Variants in TRPM2 observed in about 807,000 individuals in gnomAD.
TRPM2 encodes estrogen-responsive element-associated gene 1 protein.
In TRPM2, 161 loss-of-function variants were observed where a neutral mutation model predicts 174.0. That is an observed-to-expected ratio of 0.93 (90% CI 0.81 to 1.05). TRPM2 has a LOEUF of 1.05. Ranked by LOEUF, TRPM2 falls within the 50% of genes least tolerant of loss-of-function variation. The pLI, the probability that TRPM2 is intolerant of heterozygous loss-of-function variation, is 0.00. For synonymous variants in TRPM2, 954 were observed against 861.3 expected (o/e 1.11, Z -1.88); for missense variants, 2,057 against 2,038.0 (o/e 1.01, Z -0.18).
intron 8 of TRPM2, among the ~76,000 whole-genome samples, chr21:44,380,824 T>G (rs1237157949): frequency 6.6e-6 from 1 of 152,212 alleles, no homozygotes; most frequent in African/African-American, 2.4e-5. Context: ...CTTTCTCATC[T>G]GTTAAGTAGG....
Position 44,375,954 on chromosome 21 carries a change from A to G in TRPM2, c.893A>G (p.Glu298Gly). Reference protein sequence around the residue: ...DDGTHGQYGVEIPLRTRLEKF... With the variant: ...DDGTHGQYGVGIPLRTRLEKF... ...GGGACCCACGGCCAGTACGGGGTGG[A>G]GATTCCTCTGAGGACCAGGCTGGAG... is the stretch of plus-strand genomic sequence containing the variant. Residue 298 changes from glutamate to glycine, a missense_variant, in exon 6 of 32, where the codon GAG (glutamate) becomes GGG (glycine). Glu to Gly is a moderately conservative substitution (Grantham distance 98). Coordinates refer to ENST00000397928, the MANE Select transcript of TRPM2 (RefSeq NM_003307.4). 1 of 1,614,102 alleles carries G rather than the reference A, an allele frequency of 6.2e-7. No individual in the cohort carries two copies. The highest frequency in any genetic ancestry group is 8.5e-7 in the Non-Finnish European group (1 of 1,180,010).
rs771221376 is a variant in TRPM2 at position 44,406,617 on chromosome 21, C to T, written c.2814C>T (p.Leu938=). ...KRMMKDVFFF[L]FLLAVWVVSF... is the part of the protein sequence containing the mutation. ...AGATGAAGGACGTCTTCTTCTTCCTCTTCCTGCTGGCTGTGTGGGTGGTGT... is the reference window on the plus strand; with the variant it reads ...AGATGAAGGACGTCTTCTTCTTCCTTTTCCTGCTGGCTGTGTGGGTGGTGT... Residue 938 remains leucine (L), a synonymous_variant, in exon 19 of 32, where the codon CTC becomes CTT. Transcript: ENST00000397928. 6.2e-7 allele frequency: 1 copy of T among 1,610,746 alleles called. No individual in the cohort carries two copies. The highest frequency in any genetic ancestry group is 8.5e-7 in the Non-Finnish European group (1 of 1,179,446).
intron 7 of TRPM2, 122 bp downstream of exon 7, chr21:44,377,895 C>A: frequency 8.7e-7 from 1 of 1,153,282 alleles, no homozygotes; most frequent in South Asian, 1.5e-5. Flanking sequence ...GCTTTCCCAC[C>A]AGAAGAAGAG....
intron 9 of TRPM2, among the ~76,000 whole-genome samples, chr21:44,388,564 C>T (rs1005330407): frequency 3.3e-5 from 5 of 149,400 alleles, no homozygotes; most frequent in Non-Finnish European, 5.9e-5. Context: ...TGAGCTGGCT[C>T]ATGCCTATAA....
At chr21:44,419,074 C>G (rs1056858411) in intron 22 of TRPM2, among the ~76,000 whole-genome samples, 1 of 152,242 alleles carries the variant, frequency 6.6e-6, no homozygotes, top group Non-Finnish European at 1.5e-5. Context: ...CTTCTCTCCA[C>G]TGCCAGGCCT....
intron 17 of TRPM2, 124 bp from the exon 18 acceptor site, chr21:44,405,781 C>T (rs2049848905): frequency 1.7e-5 from 20 of 1,175,316 alleles, no homozygotes; most frequent in Non-Finnish European, 2.1e-5. Context: ...GATGCAGGGC[C>T]CACCAGAGCC....
Position 44,397,887 on chromosome 21 carries a change from C to A in TRPM2, c.2062+11C>A. The A allele has an allele frequency of 1.3e-6, 2 of 1,586,914 alleles. No individual in the cohort carries two copies. Among genetic ancestry groups the A allele is most frequent in the African/African-American group, 1.3e-5 (1 of 74,224 alleles). On this transcript the variant is annotated intron_variant, in intron 13 of 31. Coordinates refer to ENST00000397928, the MANE Select transcript of TRPM2 (RefSeq NM_003307.4). The stretch of plus-strand genomic sequence containing the variant: ...AGCACAGAGCCATCGGTGAGCTCTG[C>A]CGGGCACGGGCTGCAGGCCATGGCT...
chr21:44,378,908 C>T (rs1306392540), intron 7 of TRPM2, 89 bp from the exon 8 acceptor site: 1 of 1,425,460 alleles, frequency 7.0e-7, no homozygotes, highest in Non-Finnish European at 9.6e-7. Context: ...CAGCTCTGCC[C>T]TTAGCTGGCC....
chr21:44,391,468 G>C lies in TRPM2; in HGVS notation c.1637G>C (p.Arg546Pro). 7 of 1,611,560 alleles carry C rather than the reference G, an allele frequency of 4.3e-6. No homozygotes were observed. The highest frequency in any genetic ancestry group is 4.5e-5 in the East Asian group (2 of 44,860). ...LQKVLVEDPE[R>P]PACAPAAPRL... Reference sequence around the variant, plus strand: ...AAGGTGCTGGTGGAGGATCCCGAGCGCCCGGCTTGCGCGCCCGCGGCGCCC... The same window carrying C: ...AAGGTGCTGGTGGAGGATCCCGAGCCCCCGGCTTGCGCGCCCGCGGCGCCC... The change falls in exon 11 of 32, where the codon CGC becomes CCC. Residue 546 changes from arginine to proline, a missense_variant. Arg to Pro is a moderately radical substitution (Grantham distance 103, BLOSUM62 -2). Transcript: ENST00000397928. The surrounding 1 kb of genome is among the most constrained non-coding windows in gnomAD (Gnocchi z 5.0).
intron 5 of TRPM2, 135 bp from the exon 6 acceptor site, chr21:44,375,698 C>T: frequency 1.9e-6 from 2 of 1,034,752 alleles, no homozygotes; most frequent in South Asian, 1.7e-5. Flanking sequence ...TGCAAAGTCG[C>T]TTTCTCCAAT....
At chr21:44,350,689 G>A (rs1205222280), upstream of TRPM2, among the ~76,000 whole-genome samples, 2 of 147,294 alleles carry the variant, frequency 1.4e-5, no homozygotes, top group African/African-American at 5.0e-5. Flanking sequence ...AGGGGCGGGC[G>A]GGGTTCGGGG....
rs1342603316 is a variant in TRPM2 at position 44,375,526 on chromosome 21, G to A, written c.772-307G>A. Among the ~76,000 whole-genome samples, 9 of 152,230 alleles carry A rather than the reference G, an allele frequency of 5.9e-5. No homozygotes were observed. The South Asian group carries it at 1.2e-3, about 21-fold the overall frequency. On this transcript the variant is annotated intron_variant, in intron 5 of 31. Transcript: ENST00000397928. ...CGCCTCCTCCACTCCTGGGGGGTCC[G>A]GCTTTCTCCACTTGTGGCTATGTCA...
chr21:44,381,588 GGATA>G (rs1377959075), intron 8 of TRPM2, among the ~76,000 whole-genome samples: 56 of 152,002 alleles, frequency 3.7e-4, no homozygotes, highest in African/African-American at 1.2e-3. Flanking sequence ...ATGGATGGAT[GGATA>G]GATAGATAGA....
At chr21:44,387,397 A>G (rs1278729053) in intron 9 of TRPM2, among the ~76,000 whole-genome samples, 3 of 152,228 alleles carry the variant, frequency 2.0e-5, no homozygotes, top group African/African-American at 4.8e-5. Context: ...ATATACAAAA[A>G]CTAACTCAAA....
chr21:44,437,278 C>T (rs2051311234), intron 29 of TRPM2, 111 bp downstream of exon 29: 1 of 1,033,272 alleles, frequency 9.7e-7, no homozygotes, highest in Non-Finnish European at 1.4e-6. Context: ...CCCCCTGCAG[C>T]CCCTGGGCAG....
At chr21:44,433,694 G>A (rs577043103) in intron 27 of TRPM2, among the ~76,000 whole-genome samples, 1 of 152,292 alleles carries the variant, frequency 6.6e-6, no homozygotes, top group South Asian at 2.1e-4. Flanking sequence ...AGCAGCTTCT[G>A]GGGAGGCTGC....
At position 44,432,424 on chromosome 21, in the gene TRPM2, T is replaced by C. The variant is rs921695146; in HGVS notation, c.3975-2707T>C. The stretch of plus-strand genomic sequence containing the variant: ...GTTTAGGGCCAACCCTATTCCAGTG[T>C]AGCTTCATCTTAACTAATTACACCT... On this transcript the variant is annotated intron_variant, in intron 27 of 31. Transcript: ENST00000397928. This position sits in a 1 kb window ranked among gnomAD's most constrained non-coding sequence, Gnocchi z 4.9. Among the ~76,000 whole-genome samples, 22 of 152,356 alleles carry C rather than the reference T, an allele frequency of 1.4e-4. No homozygotes were observed. The highest frequency in any genetic ancestry group is 5.1e-4 in the African/African-American group (21 of 41,570).
chr21:44,379,361 C>T (rs1158758101), intron 8 of TRPM2, among the ~76,000 whole-genome samples, 164 bp downstream of exon 8: 2 of 152,202 alleles, frequency 1.3e-5, no homozygotes, highest in African/African-American at 4.8e-5. Flanking sequence ...GGTAAACCTC[C>T]TGGCTGGGTT....
At position 44,391,432 on chromosome 21, in the gene TRPM2, G is replaced by A; in HGVS notation, c.1601G>A (p.Ser534Asn). Residue 534 changes from serine (S) to asparagine (N), a missense_variant, in exon 11 of 32, where the codon AGC becomes AAC. Transcript: ENST00000397928. This position sits in a 1 kb window ranked among gnomAD's most constrained non-coding sequence, Gnocchi z 5.0. Reference sequence around the variant, plus strand: ...CTGGACCCCTCCTGCCTGTTCCACAGCAAGCTGCAGAAGGTGCTGGTGGAG... The same window carrying A: ...CTGGACCCCTCCTGCCTGTTCCACAACAAGCTGCAGAAGGTGCTGGTGGAG... ...ENLDPSCLFH[S>N]KLQKVLVEDP... is the part of the protein sequence containing the mutation. 6.2e-7 allele frequency: 1 copy of A among 1,613,996 alleles called. No individual in the cohort carries two copies. Among genetic ancestry groups the A allele is most frequent in the Non-Finnish European group, 8.5e-7 (1 of 1,180,038 alleles).
Sources: gnomAD v4.1 joint callset for allele counts (sites outside exome capture counted in the v4.1 genomes callset) on GRCh38, gnomAD v4.1.1 for gene constraint, Gnocchi (gnomAD v3.1) non-coding constraint, MANE v1.5 for transcripts, NCBI Gene and HGNC (gene_info 2026-07-23, HGNC 2026-07-21) for gene names.